The following WIPI2 variants were observed in gnomAD, a reference collection of about 807,000 sequenced individuals.
WIPI2 encodes WD repeat domain, phosphoinositide interacting 2.
WIPI2 carries 28 observed loss-of-function variants against 52.3 expected under a neutral mutation model. That is an observed-to-expected ratio of 0.54 (90% confidence interval 0.40 to 0.73). The LOEUF (loss-of-function observed/expected upper bound fraction) is 0.73. Among genes scored for constraint, WIPI2 ranks in the 30% least tolerant of loss-of-function variants. WIPI2 has a pLI of 0.00. For synonymous variants in WIPI2, 268 were observed against 245.0 expected, an observed-to-expected ratio of 1.09 and a Z score of -0.88; for missense variants, 506 against 602.9, an observed-to-expected ratio of 0.84 and a Z score of 1.68.
chr7:5,209,742 C>G (rs1010498394), intron 3 of WIPI2, among the ~76,000 whole-genome samples: 1 of 152,000 alleles, frequency 6.6e-6, no homozygotes, highest in East Asian at 1.9e-4. Flanking sequence ...TTCAGGTGAC[C>G]AGCCCCCTAA....
intron 8 of WIPI2, among the ~76,000 whole-genome samples, chr7:5,224,160 T>C (rs1195008280): frequency 1.3e-5 from 2 of 152,212 alleles, no homozygotes; most frequent in African/African-American, 4.8e-5. Flanking sequence ...CTGTCCTGGC[T>C]CCAGCAGTAC....
At chr7:5,193,569 G>C (rs1390922852) in intron 2 of WIPI2, among the ~76,000 whole-genome samples, 1 of 152,162 alleles carries the variant, frequency 6.6e-6, no homozygotes, top group Non-Finnish European at 1.5e-5. Context: ...TAAATCAAGG[G>C]TTTGGGTTTT....
At chr7:5,217,754 A>T in intron 6 of WIPI2, 168 bp from the exon 7 acceptor site, 1 of 687,702 alleles carries the variant, frequency 1.5e-6, no homozygotes, top group Non-Finnish European at 2.6e-6. Flanking sequence ...AAGTTGGAGC[A>T]GCATTTCCTT....
intron 6 of WIPI2, chr7:5,217,448 A>C (rs2115281611): frequency 2.1e-6 from 1 of 466,026 alleles, no homozygotes; most frequent in East Asian, 4.3e-5. Context: ...ACAGTCATGC[A>C]ACACCACACC....
At chr7:5,223,540 G>A (rs1783258185) in intron 8 of WIPI2, among the ~76,000 whole-genome samples, 1 of 152,174 alleles carries the variant, frequency 6.6e-6, no homozygotes, top group African/African-American at 2.4e-5. Flanking sequence ...TCTTTCTGGA[G>A]TTTTCCTGTG....
chr7:5,226,248 G>A (rs1175591579), intron 9 of WIPI2: 6 of 316,724 alleles, frequency 1.9e-5, no homozygotes, highest in Non-Finnish European at 3.0e-5. Flanking sequence ...AAAAGCGTTT[G>A]TGATCAGACA....
chr7:5,192,001 T>C (rs1781507037), intron 1 of WIPI2, among the ~76,000 whole-genome samples: 1 of 152,038 alleles, frequency 6.6e-6, no homozygotes, highest in East Asian at 1.9e-4. Flanking sequence ...GGGGCAGGAG[T>C]GGAATCTCGC....
intron 3 of WIPI2, among the ~76,000 whole-genome samples, chr7:5,201,084 C>A (rs778926913): frequency 6.6e-6 from 1 of 152,238 alleles, no homozygotes; most frequent in African/African-American, 2.4e-5. Context: ...CAGGCGCCGC[C>A]CGCCTTCCTG....
At chr7:5,190,958 TTC>T (rs1199478505) in intron 1 of WIPI2, 3 of 156,586 alleles carry the variant, frequency 1.9e-5, no homozygotes, top group East Asian at 1.9e-4. Context: ...CTTAAGACCC[TTC>T]TCTCTCTCTT....
chr7:5,208,875 T>A (rs2115252760), intron 3 of WIPI2, among the ~76,000 whole-genome samples: 1 of 152,306 alleles, frequency 6.6e-6, no homozygotes, highest in African/African-American at 2.4e-5. Flanking sequence ...AAAGAGCCTG[T>A]TGGGATTATG....
Position 5,230,485 on chromosome 7 carries a change from C to G in WIPI2, c.1253-350C>G, listed in dbSNP as rs1364705254. ...ACTCCCATCTGTGAACCGGCACTTC[C>G]AGTTCATGAGCCCACCCTGAGAGTC... On this transcript the variant is annotated intron_variant, in intron 12 of 12. Coordinates refer to ENST00000288828, the MANE Select transcript of WIPI2 (RefSeq NM_015610.4). This position sits in a 1 kb window ranked among gnomAD's most constrained non-coding sequence, Gnocchi z 4.8. 6.6e-6 allele frequency among the ~76,000 whole-genome samples: 1 copy of G among 152,224 alleles called. No individual in the cohort carries two copies. The highest frequency in any genetic ancestry group is 6.5e-5 in the Admixed American group (1 of 15,282).
At chr7:5,215,953 C>T (rs1782789721) in intron 4 of WIPI2, among the ~76,000 whole-genome samples, 1 of 152,236 alleles carries the variant, frequency 6.6e-6, no homozygotes, top group Admixed American at 6.5e-5. Flanking sequence ...CACTCAGCAT[C>T]AGTTTTAAAA....
At chr7:5,195,597 G>T (rs1781710749) in intron 2 of WIPI2, among the ~76,000 whole-genome samples, 1 of 152,204 alleles carries the variant, frequency 6.6e-6, no homozygotes, top group African/African-American at 2.4e-5. Flanking sequence ...CTTACCTGTT[G>T]CTCTGCCTTT....
rs1783520586 is a variant in WIPI2 at position 5,227,933 on chromosome 7, T to G, written c.1014-171T>G. Among the ~76,000 whole-genome samples the G allele has an allele frequency of 6.6e-6, 1 of 152,186 alleles. No homozygotes were observed. ...TGGGCTTCAGGGCTCAGCACACGAG[T>G]GCAGCCTTGGCCGTGTGAGCCGAGG... is the stretch of plus-strand genomic sequence containing the variant. On this transcript the variant is annotated intron_variant, in intron 10 of 12. Transcript: ENST00000288828. This position sits in a 1 kb window ranked among gnomAD's most constrained non-coding sequence, Gnocchi z 8.1.
At position 5,225,860 on chromosome 7, in the gene WIPI2, G is replaced by A. The variant is rs150356826; in HGVS notation, c.778G>A (p.Gly260Ser). The change falls in exon 9 of 13, where the codon GGC (glycine) becomes AGC (serine). Residue 260 changes from glycine (G) to serine (S), a missense_variant. Physicochemically the swap from Gly to Ser is moderately conservative, Grantham distance 56. Coordinates refer to ENST00000288828, the MANE Select transcript of WIPI2 (RefSeq NM_015610.4). ...CTGCTCCCTGGCCTTCAGCATGGAC[G>A]GCATGTTCCTCTCCGCCTCCAGCAA... Reference protein sequence around the residue: ...SICSLAFSMDGMFLSASSNTE... With the variant: ...SICSLAFSMDSMFLSASSNTE... The A allele has an allele frequency of 2.1e-3, 3,383 of 1,613,680 alleles. 68 individuals are homozygous for A. Among genetic ancestry groups the A allele is most frequent in the East Asian group, 3.3e-3 (147 of 44,878 alleles).
At chr7:5,190,599 C>T (rs10273502) in intron 1 of WIPI2, 106 bp downstream of exon 1, 2 of 1,182,960 alleles carry the variant, frequency 1.7e-6, no homozygotes, top group Non-Finnish European at 2.2e-6. Flanking sequence ...CTCGGCCTCC[C>T]CGCGGGCCAA....
chr7:5,203,731 C>T (rs762988349), intron 3 of WIPI2, among the ~76,000 whole-genome samples: 1 of 147,788 alleles, frequency 6.8e-6, no homozygotes, highest in Non-Finnish European at 1.5e-5. Context: ...CTCCCGGATT[C>T]GCGCCATTCT....
At chr7:5,225,315 A>G (rs1195578761) in intron 8 of WIPI2, among the ~76,000 whole-genome samples, 1 of 151,790 alleles carries the variant, frequency 6.6e-6, no homozygotes, top group East Asian at 1.9e-4. Context: ...TAATTTTTGT[A>G]ATTTTAGTAG....
intron 3 of WIPI2, among the ~76,000 whole-genome samples, chr7:5,201,111 C>CT (rs1782008515): frequency 6.6e-6 from 1 of 152,230 alleles, no homozygotes; most frequent in African/African-American, 2.4e-5. Flanking sequence ...TGTCACCTGG[C>CT]TGCCTTCACG....
Sources: allele counts gnomAD v4.1 joint callset (sites outside exome capture counted in the v4.1 genomes callset), GRCh38; gene constraint gnomAD v4.1.1; non-coding constraint Gnocchi (gnomAD v3.1); transcripts MANE v1.5; gene names NCBI Gene and HGNC (gene_info 2026-07-23, HGNC 2026-07-21).